METTL16: variants seen among roughly 807,000 people sequenced by gnomAD.
METTL16 encodes the protein RNA N(6)-adenosine-methyltransferase METTL16.
A neutral mutation model predicts 57.9 loss-of-function variants in METTL16; 19 were observed. The observed-to-expected ratio is 0.33, with a 90% CI of 0.23 to 0.48. METTL16 has a LOEUF of 0.48. METTL16 is among the 20% of genes least tolerant of loss of function. The probability of loss-of-function intolerance (pLI) is 0.99; values close to 1 mark genes in which losing one functional copy is unlikely to be tolerated. For synonymous variants in METTL16, 246 were observed against 255.6 expected (o/e 0.96, Z 0.36); for missense variants, 434 against 691.5 (o/e 0.63, Z 4.18).
In METTL16 at chr17:2,419,987, G is replaced by A. The variant is rs896293867; in HGVS notation, c.1672C>T (p.Leu558Phe). Residue 558 changes from leucine to phenylalanine, a missense_variant, in exon 10 of 10, where the codon CTT becomes TTT. Coordinates refer to ENST00000263092, the MANE Select transcript of METTL16 (RefSeq NM_024086.4). ...CTYIRNQIFR[L>F]VAVN The stretch of plus-strand genomic sequence containing the variant: ...GGAGGTTTCTAGTTAACTGCAACAA[G>A]CCTGAAAATTTGGTTACGTATGTAG... 7.4e-6 allele frequency: 12 copies of A among 1,613,972 alleles called. No individual in the cohort carries two copies. Among genetic ancestry groups the A allele is most frequent in the Middle Eastern group, 1.6e-4 (1 of 6,084 alleles).
chr17:2,438,745 C>A (rs1275818497), intron 7 of METTL16, among the ~76,000 whole-genome samples: 2 of 152,222 alleles, frequency 1.3e-5, no homozygotes, highest in Non-Finnish European at 2.9e-5. Context: ...CCGCCCACCT[C>A]GGCCTCCCAA....
At chr17:2,447,811 C>G (rs2067019899) in intron 6 of METTL16, among the ~76,000 whole-genome samples, 1 of 104,996 alleles carries the variant, frequency 9.5e-6, no homozygotes, top group African/African-American at 4.8e-5. Flanking sequence ...GTGGGGGGGT[C>G]AGCCCCCCGC....
At chr17:2,505,746 C>A (rs2067528140) in intron 1 of METTL16, among the ~76,000 whole-genome samples, 2 of 152,040 alleles carry the variant, frequency 1.3e-5, no homozygotes, top group Admixed American at 1.3e-4. Context: ...CACCATCCCT[C>A]CTTCCACCTC....
chr17:2,505,280 A>G (rs1274496203), intron 1 of METTL16, among the ~76,000 whole-genome samples: 1 of 151,644 alleles, frequency 6.6e-6, no homozygotes, highest in Non-Finnish European at 1.5e-5. Context: ...AAAATCTAGG[A>G]GTCAGTTGAT....
intron 6 of METTL16, among the ~76,000 whole-genome samples, chr17:2,443,769 G>T (rs1255275754): frequency 2.0e-5 from 3 of 152,176 alleles, no homozygotes; most frequent in Non-Finnish European, 4.4e-5. Flanking sequence ...GAAGTGCGGG[G>T]ATTACAGGGG....
At chr17:2,453,186 C>A (rs2067083400) in intron 6 of METTL16, among the ~76,000 whole-genome samples, 1 of 152,090 alleles carries the variant, frequency 6.6e-6, no homozygotes, top group Non-Finnish European at 1.5e-5. Context: ...ATTTTTGTAA[C>A]CACAGAGGAA....
At chr17:2,480,675 A>G (rs1055584084) in intron 2 of METTL16, among the ~76,000 whole-genome samples, 11 of 152,250 alleles carry the variant, frequency 7.2e-5, no homozygotes, top group African/African-American at 2.2e-4. Context: ...GAAACAAATC[A>G]GAAGTACACT....
intron 5 of METTL16, among the ~76,000 whole-genome samples, chr17:2,465,295 G>C (rs2067183665): frequency 6.6e-6 from 1 of 151,990 alleles, no homozygotes; most frequent in South Asian, 2.1e-4. Context: ...TGTCATCCCA[G>C]CACTTTAGGA....
chr17:2,506,973 CCGCCCCGTCGGAGAAG>C (rs1424457444), intron 1 of METTL16, among the ~76,000 whole-genome samples: 2 of 148,756 alleles, frequency 1.3e-5, no homozygotes, highest in Non-Finnish European at 3.0e-5. Flanking sequence ...TGCCTGGCAA[CCGCCCCGTCGGAGAAG>C]TGAGGAGCCC....
rs202110734 is a variant in METTL16 at position 2,420,199 on chromosome 17, G to A, written c.1460C>T (p.Ala487Val). ...CTGCTCAGAAGCCTCTTGGTCCTGGGCTCCGTTGCTAGAGCCTTGACAACT... is the reference window on the plus strand; with the variant it reads ...CTGCTCAGAAGCCTCTTGGTCCTGGACTCCGTTGCTAGAGCCTTGACAACT... ...LESCQGSSNG[A>V]QDQEASEQFG... Residue 487 changes from alanine to valine, a missense_variant, in exon 10 of 10, where the codon GCC (alanine) becomes GTC (valine). Physicochemically the swap from Ala to Val is moderately conservative, Grantham distance 64. This residue lies in a region of METTL16 where 168 missense variants were observed against 149.6 expected (regional missense o/e 1.12). Transcript: ENST00000263092. The surrounding 1 kb of genome is among the most constrained non-coding windows in gnomAD (Gnocchi z 5.4). 9 of 1,614,238 alleles carry A rather than the reference G, an allele frequency of 5.6e-6. No individual in the cohort carries two copies. The highest frequency in any genetic ancestry group is 2.7e-5 in the African/African-American group (2 of 75,070).
intron 6 of METTL16, among the ~76,000 whole-genome samples, chr17:2,451,886 C>T (rs1328409279): frequency 6.6e-6 from 1 of 152,018 alleles, no homozygotes; most frequent in Non-Finnish European, 1.5e-5. Flanking sequence ...TGGCTCACAT[C>T]TGTAACCCCA....
In METTL16 at chr17:2,420,128, C is replaced by A; in HGVS notation, c.1531G>T (p.Ala511Ser). Reference protein sequence around the residue: ...AERGKRLPGVAGQYLFKCLIN... With the variant: ...AERGKRLPGVSGQYLFKCLIN... ...AAACACTTAAACAGGTACTGTCCGG[C>A]CACTCCTGGGAGACGTTTCCCCCTT... The change falls in exon 10 of 10, where the codon GCC becomes TCC. Residue 511 changes from alanine to serine, a missense_variant. Ala to Ser is a moderately conservative substitution (Grantham distance 99). Transcript: ENST00000263092. The surrounding 1 kb of genome is among the most constrained non-coding windows in gnomAD (Gnocchi z 5.4). 6.2e-7 allele frequency: 1 copy of A among 1,614,228 alleles called. No homozygotes were observed. The highest frequency in any genetic ancestry group is 2.2e-5 in the East Asian group (1 of 44,884).
At chr17:2,447,686 C>T (rs1252268295) in intron 6 of METTL16, among the ~76,000 whole-genome samples, 3 of 142,564 alleles carry the variant, frequency 2.1e-5, no homozygotes, top group Non-Finnish European at 4.6e-5. Flanking sequence ...CGGCCAGCCG[C>T]CCCGTCCGGG....
intron 1 of METTL16, among the ~76,000 whole-genome samples, chr17:2,506,410 C>G (rs1215537928): frequency 1.3e-5 from 2 of 151,998 alleles, no homozygotes; most frequent in East Asian, 1.9e-4. Context: ...CTCAGCCTGC[C>G]GAGTGCCTGC....
rs370652516 is a variant in METTL16 at position 2,420,125 on chromosome 17, C to T, written c.1534G>A (p.Gly512Arg). Residue 512 changes from glycine to arginine, a missense_variant, in exon 10 of 10, where the codon GGA (glycine) becomes AGA (arginine). This residue lies in a region of METTL16 where 168 missense variants were observed against 149.6 expected (regional missense o/e 1.12). Transcript: ENST00000263092. The surrounding 1 kb of genome is among the most constrained non-coding windows in gnomAD (Gnocchi z 5.4). ...ERGKRLPGVA[G>R]QYLFKCLINV... is the part of the protein sequence containing the mutation. ...ATCAAACACTTAAACAGGTACTGTC[C>T]GGCCACTCCTGGGAGACGTTTCCCC... is the stretch of plus-strand genomic sequence containing the variant. 79 of 1,614,110 alleles carry T rather than the reference C, an allele frequency of 4.9e-5. No individual in the cohort carries two copies. Among genetic ancestry groups the T allele is most frequent in the African/African-American group, 1.1e-4 (8 of 74,940 alleles).
At chr17:2,465,827 C>G (rs953235041) in intron 5 of METTL16, among the ~76,000 whole-genome samples, 6 of 151,800 alleles carry the variant, frequency 4.0e-5, no homozygotes, top group African/African-American at 1.5e-4. Context: ...GATCTCACCA[C>G]TGCACTCCAG....
intron 2 of METTL16, among the ~76,000 whole-genome samples, chr17:2,497,503 G>C (rs1049101720): frequency 2.0e-5 from 3 of 150,782 alleles, no homozygotes; most frequent in Non-Finnish European, 2.9e-5. Context: ...AGCAGAGAAG[G>C]GGTCTCTCCA....
intron 3 of METTL16, among the ~76,000 whole-genome samples, chr17:2,474,762 C>T (rs1272237381): frequency 6.6e-6 from 1 of 152,180 alleles, no homozygotes; most frequent in African/African-American, 2.4e-5. Context: ...CCCATCTCTA[C>T]TAAAAGTACA....
Position 2,428,602 on chromosome 17 carries a change from T to TATAA in METTL16, c.889-7699_889-7698insTTAT, listed in dbSNP as rs376112549. Among the ~76,000 whole-genome samples, 44 of 94,958 alleles carry TATAA rather than the reference T, an allele frequency of 4.6e-4. 4 individuals carry two copies. Among genetic ancestry groups the TATAA allele is most frequent in the African/African-American group, 1.6e-3 (34 of 21,410 alleles). The allele number at this position is 94,958 out of a possible 152,430, so 62.3% of individuals were successfully genotyped here. On this transcript the variant is annotated intron_variant, in intron 8 of 9. Coordinates refer to ENST00000263092, the MANE Select transcript of METTL16 (RefSeq NM_024086.4). ...ATATATATATATATATATATATATA[T>TATAA]AAATTGTAATACAGCGGGGCACAGT...
Sources: gnomAD v4.1 joint callset for allele counts (sites outside exome capture counted in the v4.1 genomes callset) on GRCh38, gnomAD v4.1.1 for gene constraint, gnomAD v4.1.1 regional missense constraint, Gnocchi (gnomAD v3.1) non-coding constraint, MANE v1.5 for transcripts, NCBI Gene and HGNC (gene_info 2026-07-23, HGNC 2026-07-21) for gene names.